INTS11: variants seen among roughly 807,000 people sequenced by gnomAD.
INTS11 encodes CPSF3-like protein.
Under a neutral mutation model 78.6 loss-of-function variants are expected in INTS11, and 77 were observed. The observed-to-expected ratio is 0.98, with a 90% CI of 0.81 to 1.18. INTS11 has a LOEUF of 1.18. Among genes scored for constraint, INTS11 ranks in the 50% most tolerant of loss-of-function variants. INTS11 has a pLI of 0.00. For synonymous variants in INTS11, 441 were observed against 326.9 expected, an observed-to-expected ratio of 1.35 and a Z score of -3.77; for missense variants, 875 against 825.9, an observed-to-expected ratio of 1.06 and a Z score of -0.73.
intron 1 of INTS11, 71 bp downstream of exon 1, chr1:1,324,510 G>A: frequency 6.8e-7 from 1 of 1,464,800 alleles, no homozygotes; most frequent in Middle Eastern, 2.0e-4. Context: ...ACGGGAGGGA[G>A]CGGGGCGCCC....
At position 1,312,372 on chromosome 1, in the gene INTS11, T is replaced by A; in HGVS notation, c.1465-4A>T. ...CTGAGGACACCAGCCGGAAGTTCTG[T>A]GGGGCAGGGACAGGTCAGTGAGCGC... On this transcript the variant is annotated splice_region_variant and splice_polypyrimidine_tract_variant and intron_variant, in intron 14 of 16. Coordinates refer to ENST00000435064, the MANE Select transcript of INTS11 (RefSeq NM_017871.6). The A allele has an allele frequency of 6.4e-7, 1 of 1,567,164 alleles. No homozygotes were observed.
At position 1,313,605 on chromosome 1, in the gene INTS11, C is replaced by T. The variant is rs778404375; in HGVS notation, c.958-13G>A. 2 of 1,612,764 alleles carry T rather than the reference C, an allele frequency of 1.2e-6. No individual in the cohort carries two copies. Among genetic ancestry groups the T allele is most frequent in the Admixed American group, 3.3e-5 (2 of 60,002 alleles). On this transcript the variant is annotated splice_polypyrimidine_tract_variant and intron_variant, in intron 9 of 16. Transcript: ENST00000435064. ...TGGCAAACACAACCTACAGGACACA[C>T]AGGGCCAGGTGGGGGGTCAGGGCAG...
intron 6 of INTS11, 148 bp downstream of exon 6, chr1:1,315,256 G>C (rs1642508078): frequency 3.1e-6 from 3 of 973,102 alleles, no homozygotes; most frequent in South Asian, 1.4e-5. Context: ...TCGCGCATTT[G>C]GGCCCAGAAC....
intron 1 of INTS11, chr1:1,322,891 C>A (rs956225310): frequency 1.1e-5 from 14 of 1,241,912 alleles, no homozygotes; most frequent in Non-Finnish European, 1.3e-5. Context: ...TTTGATGATA[C>A]CTTGGCTGAG....
chr1:1,312,207 G>GC lies in INTS11; in HGVS notation c.1607+18_1607+19insG, dbSNP rs1642235123. On this transcript the variant is annotated intron_variant, in intron 15 of 16. Transcript: ENST00000435064. ...CCAGGGCCCAAGGGAGTGGGGGGGG[G>GC]GCGGGGCCGGGCGCCCACCTCTTGA... The GC allele has an allele frequency of 1.7e-6, 2 of 1,150,946 alleles. No homozygotes were observed. Among genetic ancestry groups the GC allele is most frequent in the African/African-American group, 3.1e-5 (2 of 64,204 alleles). The allele number at this position is 1,150,946 out of a possible 1,614,324, so 71.3% of individuals were successfully genotyped here.
At chr1:1,315,338 G>A in intron 6 of INTS11, 66 bp downstream of exon 6, 2 of 1,591,964 alleles carry the variant, frequency 1.3e-6, no homozygotes, top group East Asian at 2.2e-5. Flanking sequence ...CTGGCACCCT[G>A]ACACCTGCAA....
rs1391521274 is a variant in INTS11, at chr1:1,319,543, G to A, written c.201-19C>T. The A allele has an allele frequency of 1.3e-6, 2 of 1,533,068 alleles. No homozygotes were observed. Among genetic ancestry groups the A allele is most frequent in the Non-Finnish European group, 1.8e-6 (2 of 1,131,690 alleles). The allele number at this position is 1,533,068 out of a possible 1,614,324, so 95.0% of individuals were successfully genotyped here. ...GAAGTGGCTAGGGGGACGCAGCACA[G>A]GTCAGCCTGGGCCCACCCTGCCCCA... On this transcript the variant is annotated intron_variant, in intron 3 of 16. Coordinates refer to ENST00000435064, the MANE Select transcript of INTS11 (RefSeq NM_017871.6).
In INTS11 at chr1:1,312,434, A is replaced by G; in HGVS notation, c.1464+6T>C. 1 of 1,566,752 alleles carries G rather than the reference A, an allele frequency of 6.4e-7. No homozygotes were observed. The highest frequency in any genetic ancestry group is 8.6e-7 in the Non-Finnish European group (1 of 1,156,252). On this transcript the variant is annotated splice_donor_region_variant and intron_variant, in intron 14 of 16. Transcript: ENST00000435064. ...TCCCCCCTCCAGAGACCGTCCTGGC[A>G]CTCACGCTGTCCTTCATGATCAGGG...
rs2100549466 is a variant in INTS11 at position 1,311,610 on chromosome 1, A to C, written c.*249T>G. 1 of 715,788 alleles carries C rather than the reference A, an allele frequency of 1.4e-6. No individual in the cohort carries two copies. Among genetic ancestry groups the C allele is most frequent in the East Asian group, 2.7e-5 (1 of 37,158 alleles). The allele number at this position is 715,788 out of a possible 1,614,324, so 44.3% of individuals were successfully genotyped here. Reference sequence around the variant, plus strand: ...GAGAGTACCAAGTAGTCTTTTGTTCAGCTTTTACTGGAAACTGCTGTCTAG... The same window carrying C: ...GAGAGTACCAAGTAGTCTTTTGTTCCGCTTTTACTGGAAACTGCTGTCTAG... On this transcript the variant is annotated 3_prime_UTR_variant, in exon 17 of 17. Transcript: ENST00000435064.
intron 1 of INTS11, chr1:1,323,186 G>C (rs747594474): frequency 3.9e-6 from 6 of 1,550,134 alleles, no homozygotes; most frequent in South Asian, 1.2e-5. Context: ...CTCACGCCAT[G>C]GGGGAGGACA....
At chr1:1,320,367 C>A in intron 3 of INTS11, 89 bp downstream of exon 3, 2 of 1,264,136 alleles carry the variant, frequency 1.6e-6, no homozygotes, top group South Asian at 1.2e-5. Context: ...GGCACAGGCC[C>A]CTTGCCAAAC....
At chr1:1,323,432 G>A in intron 1 of INTS11, 2 of 1,020,440 alleles carry the variant, frequency 2.0e-6, no homozygotes, top group Non-Finnish European at 2.8e-6. Flanking sequence ...TTTGAGACAT[G>A]GTTTTGCTGT....
chr1:1,322,041 G>A (rs927846451), intron 1 of INTS11: 29 of 1,161,520 alleles, frequency 2.5e-5, no homozygotes, highest in Non-Finnish European at 3.3e-5. Context: ...CCCCCGCTGG[G>A]TGTGAGCTCT....
Position 1,314,688 on chromosome 1 carries a change from ATCT to A in INTS11, c.702+133_702+135del, listed in dbSNP as rs774112176. ...AGTTTTCCTCCTCAATGTTGAGCAA[ATCT>A]TCTTCCCTCCCTGCCTGAAAATGCA... is the stretch of plus-strand genomic sequence containing the variant. On this transcript the variant is annotated intron_variant, in intron 7 of 16. Transcript: ENST00000435064. The surrounding 1 kb of genome is among the most constrained non-coding windows in gnomAD (Gnocchi z 4.2). 5.2e-5 allele frequency: 58 copies of A among 1,113,608 alleles called. No homozygotes were observed. Among genetic ancestry groups the A allele is most frequent in the South Asian group, 3.4e-4 (22 of 65,226 alleles). The allele number at this position is 1,113,608 out of a possible 1,614,324, so 69.0% of individuals were successfully genotyped here.
In INTS11 at chr1:1,313,130, G is replaced by A. The variant is rs2100569042; in HGVS notation, c.1042-6C>T. On this transcript the variant is annotated splice_region_variant and splice_polypyrimidine_tract_variant and intron_variant, in intron 10 of 16. Coordinates refer to ENST00000435064, the MANE Select transcript of INTS11 (RefSeq NM_017871.6). ...CAGTAGCCGGGCATGATGACCTGGG[G>A]GCAGGCACAGAGCTCACAGCCAGGG... is the stretch of plus-strand genomic sequence containing the variant. 1 of 1,604,374 alleles carries A rather than the reference G, an allele frequency of 6.2e-7. No individual in the cohort carries two copies. The highest frequency in any genetic ancestry group is 2.2e-5 in the East Asian group (1 of 44,730).
At position 1,315,571 on chromosome 1, in the gene INTS11, C is replaced by T; in HGVS notation, c.477G>A (p.Leu159=). The T allele has an allele frequency of 6.2e-7, 1 of 1,612,578 alleles. No homozygotes were observed. Among genetic ancestry groups the T allele is most frequent in the Non-Finnish European group, 8.5e-7 (1 of 1,179,830 alleles). The change falls in exon 5 of 17, where the codon CTG becomes CTA. Residue 159 remains leucine (L), a synonymous_variant. Transcript: ENST00000435064. ...CTTTAATCTGGAACATGGCTGCCCC[C>T]AGCACGTGGCCTGCATAGTAGGCCT... ...EIKAYYAGHV[L]GAAMFQIKVG...
rs774151732 is a variant in INTS11 at position 1,314,903 on chromosome 1, G to C, written c.623C>G (p.Thr208Arg). 6.2e-6 allele frequency: 10 copies of C among 1,613,056 alleles called. No individual in the cohort carries two copies. Among genetic ancestry groups the C allele is most frequent in the Non-Finnish European group, 8.5e-6 (10 of 1,179,922 alleles). The stretch of plus-strand genomic sequence containing the variant: ...GCAGCGCTTGGAGTCACGGATGGTC[G>C]TGGCGTACGTGGACTCTGTGATGAG... ...NLLITESTYA[T>R]TIRDSKRCRE... Residue 208 changes from threonine to arginine, a missense_variant, in exon 7 of 17, where the codon ACG becomes AGG. Transcript: ENST00000435064. This position sits in a 1 kb window ranked among gnomAD's most constrained non-coding sequence, Gnocchi z 4.2.
chr1:1,312,213 G>GGGGGGGGGGGGGGGGGGGTGC lies in INTS11; in HGVS notation c.1607+12_1607+13insGCACCCCCCCCCCCCCCCCCC. 1 of 934,630 alleles carries GGGGGGGGGGGGGGGGGGGTGC rather than the reference G, an allele frequency of 1.1e-6. No homozygotes were observed. Among genetic ancestry groups the GGGGGGGGGGGGGGGGGGGTGC allele is most frequent in the South Asian group, 1.5e-5 (1 of 67,394 alleles). The allele number at this position is 934,630 out of a possible 1,614,324, so 57.9% of individuals were successfully genotyped here. On this transcript the variant is annotated intron_variant, in intron 15 of 16. Transcript: ENST00000435064. ...CCCAAGGGAGTGGGGGGGGGGCGGG[G>GGGGGGGGGGGGGGGGGGGTGC]CCGGGCGCCCACCTCTTGAGGTGGC... is the stretch of plus-strand genomic sequence containing the variant.
chr1:1,313,287 G>A (rs939797606), intron 10 of INTS11, 163 bp from the exon 11 acceptor site: 7 of 931,840 alleles, frequency 7.5e-6, no homozygotes, highest in South Asian at 1.6e-5. Flanking sequence ...TTTGGCACAA[G>A]ACTGTCCAGG....
Sources: gnomAD v4.1 joint callset for allele counts on GRCh38, gnomAD v4.1.1 for gene constraint, Gnocchi (gnomAD v3.1) non-coding constraint, MANE v1.5 for transcripts, NCBI Gene and HGNC (gene_info 2026-07-23, HGNC 2026-07-21) for gene names.